The following ATP8A1 variants were observed in gnomAD, a reference collection of about 807,000 sequenced individuals.
ATP8A1 encodes phospholipid-transporting ATPase IA.
In ATP8A1, 90 loss-of-function variants were observed where a neutral mutation model predicts 177.7. That is an observed-to-expected ratio of 0.51 (90% CI 0.43 to 0.60). The LOEUF is 0.60. Ranked by LOEUF, ATP8A1 falls within the 20% of genes least tolerant of loss-of-function variation. The pLI is 0.00. For synonymous variants in ATP8A1, 493 were observed against 485.9 expected (o/e 1.01, Z -0.19); for missense variants, 1,072 against 1,392.8 (o/e 0.77, Z 3.67).
chr4:42,615,275 G>C (rs141841784), intron 5 of ATP8A1, among the ~76,000 whole-genome samples: 39 of 152,176 alleles, frequency 2.6e-4, no homozygotes, highest in African/African-American at 8.4e-4. Flanking sequence ...AGGGAATTTT[G>C]ACAGGACTCC....
chr4:42,593,919 T>C lies in ATP8A1; in HGVS notation c.451-3035A>G, dbSNP rs934777721. ...CCATCATAATAATCAAGAAACTCTG[T>C]AGGGATTTATGACGAACAAGGACTG... On this transcript the variant is annotated intron_variant, in intron 6 of 36. Transcript: ENST00000381668. Among the ~76,000 whole-genome samples the C allele has an allele frequency of 2.0e-4, 31 of 152,010 alleles. 1 individual carries two copies. Among genetic ancestry groups the C allele is most frequent in the Non-Finnish European group, 2.9e-5 (2 of 67,910 alleles).
rs150982726 is a variant in ATP8A1 at position 42,548,352 on chromosome 4, C to T, written c.1652+661G>A. On this transcript the variant is annotated intron_variant, in intron 19 of 36. Transcript: ENST00000381668. ...GATCACCAGCCATAAGACGCATGGC[C>T]GTATACGCTGGGCTTGTGAATCAGG... 7.2e-5 allele frequency among the ~76,000 whole-genome samples: 11 copies of T among 152,204 alleles called. No individual in the cohort carries two copies. The South Asian group carries it at 1.0e-3, about 14-fold the overall frequency.
chr4:42,590,916 G>C, intron 6 of ATP8A1, 32 bp from the exon 7 acceptor site: 1 of 1,339,996 alleles, frequency 7.5e-7, no homozygotes, highest in Non-Finnish European at 9.9e-7. Context: ...AATTAAAATG[G>C]CCAAAAAAAA....
intron 33 of ATP8A1, among the ~76,000 whole-genome samples, chr4:42,431,457 G>T (rs1352427570): frequency 2.0e-5 from 3 of 151,490 alleles, no homozygotes; most frequent in Non-Finnish European, 2.9e-5. Context: ...TCTCATTTTT[G>T]TCAAATTTTC....
intron 4 of ATP8A1, among the ~76,000 whole-genome samples, chr4:42,622,591 C>A (rs865874091): frequency 1.4e-4 from 21 of 151,630 alleles, no homozygotes; most frequent in African/African-American, 4.1e-4. Context: ...GAAAAAAAAA[C>A]AACAGAGTAA....
chr4:42,616,677 G>T (rs1218107287), intron 4 of ATP8A1, among the ~76,000 whole-genome samples: 1 of 152,140 alleles, frequency 6.6e-6, no homozygotes, highest in African/African-American at 2.4e-5. Context: ...GAAAGCCATT[G>T]AATTACATAA....
chr4:42,494,297 ACT>A (rs1723049844), intron 24 of ATP8A1, among the ~76,000 whole-genome samples: 1 of 151,994 alleles, frequency 6.6e-6, no homozygotes, highest in Non-Finnish European at 1.5e-5. Flanking sequence ...ATATGGTGAA[ACT>A]CTGTCTGTAC....
chr4:42,539,882 G>A (rs1728215022), intron 20 of ATP8A1, among the ~76,000 whole-genome samples: 1 of 152,086 alleles, frequency 6.6e-6, no homozygotes, highest in South Asian at 2.1e-4. Flanking sequence ...CCTGGGCATT[G>A]GTTTAGGCAA....
At chr4:42,425,356 G>C (rs1008884473) in intron 33 of ATP8A1, among the ~76,000 whole-genome samples, 8 of 152,180 alleles carry the variant, frequency 5.3e-5, no homozygotes, top group Admixed American at 1.3e-4. Flanking sequence ...ACGATGAATG[G>C]AGGAGTGACT....
intron 19 of ATP8A1, among the ~76,000 whole-genome samples, chr4:42,544,660 C>T (rs1446505949): frequency 6.6e-6 from 1 of 152,182 alleles, no homozygotes; most frequent in Non-Finnish European, 1.5e-5. Context: ...ATGGAAGAAA[C>T]TGCGACAGCA....
intron 24 of ATP8A1, among the ~76,000 whole-genome samples, chr4:42,494,833 TTAATTA>T (rs1396927726): frequency 2.6e-5 from 4 of 152,228 alleles, no homozygotes; most frequent in Non-Finnish European, 5.9e-5. Flanking sequence ...TTTAAAATAA[TTAATTA>T]TAAAGACGAC....
At chr4:42,511,974 T>C (rs2153195594) in intron 22 of ATP8A1, among the ~76,000 whole-genome samples, 1 of 152,290 alleles carries the variant, frequency 6.6e-6, no homozygotes, top group Non-Finnish European at 1.5e-5. Context: ...ACCACTGGAG[T>C]AAATGTGGAT....
intron 20 of ATP8A1, among the ~76,000 whole-genome samples, chr4:42,526,127 A>G (rs1726645872): frequency 1.3e-5 from 2 of 152,208 alleles, no homozygotes; most frequent in South Asian, 4.1e-4. Flanking sequence ...GTGATAAGTA[A>G]TATAGCTAAA....
intron 33 of ATP8A1, among the ~76,000 whole-genome samples, chr4:42,439,741 G>GT (rs954813751): frequency 1.4e-4 from 21 of 152,214 alleles, no homozygotes; most frequent in Admixed American, 1.2e-3. Context: ...CAGTAAAACA[G>GT]AATACAGAGA....
chr4:42,472,284 GAAC>G (rs1332299414), intron 25 of ATP8A1: 9 of 535,194 alleles, frequency 1.7e-5, no homozygotes, highest in Non-Finnish European at 3.3e-5. Context: ...AAGCATAGGA[GAAC>G]AACATGGAAA....
intron 7 of ATP8A1, among the ~76,000 whole-genome samples, chr4:42,589,673 C>A (rs1393375459): frequency 6.6e-6 from 1 of 152,086 alleles, no homozygotes; most frequent in Non-Finnish European, 1.5e-5. Context: ...ATCACTGTCA[C>A]AATAGCAATT....
chr4:42,421,448 C>G (rs1044797285), intron 35 of ATP8A1, among the ~76,000 whole-genome samples: 1 of 152,184 alleles, frequency 6.6e-6, no homozygotes, highest in Admixed American at 6.5e-5. Flanking sequence ...GGAACTTCAT[C>G]TCTCGAAGCC....
At chr4:42,424,033 G>A (rs1039375358) in intron 33 of ATP8A1, among the ~76,000 whole-genome samples, 4 of 151,956 alleles carry the variant, frequency 2.6e-5, no homozygotes, top group African/African-American at 9.7e-5. Context: ...CATGACTACT[G>A]TATAATCAAA....
intron 19 of ATP8A1, 65 bp downstream of exon 19, chr4:42,548,948 A>G: frequency 7.7e-7 from 1 of 1,305,884 alleles, no homozygotes. Flanking sequence ...GTTATTCAAA[A>G]GGGAAAAAAT....
Sources: gnomAD v4.1 joint callset for allele counts (sites outside exome capture counted in the v4.1 genomes callset) on GRCh38, gnomAD v4.1.1 for gene constraint, MANE v1.5 for transcripts, NCBI Gene and HGNC (gene_info 2026-07-23, HGNC 2026-07-21) for gene names.